The following CUBN variants were observed in gnomAD, a reference collection of about 807,000 sequenced individuals.
CUBN encodes the protein cubilin.
CUBN carries 282 observed loss-of-function variants against 405.3 expected under a neutral mutation model. The observed-to-expected ratio is 0.70, with a 90% CI of 0.63 to 0.77. The LOEUF (loss-of-function observed/expected upper bound fraction) is 0.77, where lower values mean the gene tolerates loss of function less well. Ranked by LOEUF, CUBN falls within the 30% of genes least tolerant of loss-of-function variation. The probability of loss-of-function intolerance (pLI) is 0.00; values close to 1 mark genes in which losing one functional copy is unlikely to be tolerated. For synonymous variants in CUBN, 1,684 were observed against 1,617.0 expected (o/e 1.04, Z -0.99); for missense variants, 4,514 against 4,475.2 (o/e 1.01, Z -0.25).
chr10:17,012,224 G>A (rs527413001), intron 28 of CUBN, among the ~76,000 whole-genome samples: 5 of 152,340 alleles, frequency 3.3e-5, no homozygotes, highest in Middle Eastern at 3.4e-3. Flanking sequence ...CCGAAGGCAA[G>A]TAATAGCAAG....
At chr10:17,067,174 A>C (rs1163243832) in intron 21 of CUBN, among the ~76,000 whole-genome samples, 2 of 152,168 alleles carry the variant, frequency 1.3e-5, no homozygotes, top group Admixed American at 6.5e-5. Context: ...GAGAGGAAAA[A>C]TCAATCTATA....
rs373867155 is a variant in CUBN at position 16,824,953 on chromosome 10, G to A, written c.*22C>T. On this transcript the variant is annotated 3_prime_UTR_variant, in exon 67 of 67. Coordinates refer to ENST00000377833, the MANE Select transcript of CUBN (RefSeq NM_001081.4). ...GCGTGCTGCAGAGGGAAAGTGCTGA[G>A]TGAACACGAGTTGTTACCCACTTAG... The A allele has an allele frequency of 8.3e-6, 13 of 1,563,566 alleles. No homozygotes were observed. In the African/African-American group the frequency reaches 1.6e-4, roughly 20 times the overall value.
At chr10:17,074,612 T>C (rs1835812577) in intron 17 of CUBN, among the ~76,000 whole-genome samples, 1 of 152,210 alleles carries the variant, frequency 6.6e-6, no homozygotes, top group South Asian at 2.1e-4. Flanking sequence ...TGGAAATCTG[T>C]CAAGAGTTAG....
At chr10:16,900,158 T>G (rs979481560) in intron 53 of CUBN, among the ~76,000 whole-genome samples, 5 of 152,208 alleles carry the variant, frequency 3.3e-5, no homozygotes, top group African/African-American at 1.2e-4. Flanking sequence ...GGATAACATA[T>G]AAACCAAGGC....
rs1837097245 is a variant in CUBN at position 17,123,630 on chromosome 10, A to G, written c.447T>C (p.Asn149=). Reference sequence around the variant, plus strand: ...AGATACAAAAAAAGGAATCATGCAGATTGAGGCAGGTTCCACCATTCTGGC... The same window carrying G: ...AGATACAAAAAAAGGAATCATGCAGGTTGAGGCAGGTTCCACCATTCTGGC... ...NPCQNGGTCL[N]LHDSFFCICP... is the part of the protein sequence containing the mutation. Residue 149 remains asparagine (N), a synonymous_variant, in exon 5 of 67, where the codon AAT becomes AAC. Transcript: ENST00000377833. 1 of 1,614,006 alleles carries G rather than the reference A, an allele frequency of 6.2e-7. No homozygotes were observed. The highest frequency in any genetic ancestry group is 1.3e-5 in the African/African-American group (1 of 74,936).
chr10:16,958,960 G>T (rs1488022433), intron 31 of CUBN, among the ~76,000 whole-genome samples: 1 of 152,178 alleles, frequency 6.6e-6, no homozygotes, highest in Non-Finnish European at 1.5e-5. Context: ...GCTTCAAGGT[G>T]GTACCTTGAA....
chr10:17,098,372 A>G (rs182343929), intron 14 of CUBN, among the ~76,000 whole-genome samples: 1 of 152,342 alleles, frequency 6.6e-6, no homozygotes, highest in East Asian at 1.9e-4. Flanking sequence ...TACAACACTA[A>G]ATTTGTGGGA....
chr10:16,932,129 A>G (rs1236894661), intron 40 of CUBN, among the ~76,000 whole-genome samples: 1 of 152,138 alleles, frequency 6.6e-6, no homozygotes, highest in Admixed American at 6.5e-5. Context: ...TCATGTGTGT[A>G]TGATTGATTT....
At chr10:17,002,117 G>A (rs1260312992) in intron 28 of CUBN, among the ~76,000 whole-genome samples, 3 of 152,166 alleles carry the variant, frequency 2.0e-5, no homozygotes, top group African/African-American at 7.2e-5. Context: ...TAAGTCAATG[G>A]TCGAAAAGAG....
chr10:16,862,125 G>A (rs754477201), intron 59 of CUBN, among the ~76,000 whole-genome samples: 15 of 149,324 alleles, frequency 1.0e-4, no homozygotes, highest in Non-Finnish European at 2.2e-4. Context: ...CTCCAGCCTG[G>A]CAACAGAGTG....
intron 17 of CUBN, among the ~76,000 whole-genome samples, chr10:17,072,386 G>T (rs1835760742): frequency 6.6e-6 from 1 of 152,022 alleles, no homozygotes; most frequent in Non-Finnish European, 1.5e-5. Context: ...GGAAAAAAAA[G>T]AAAAGTTGAT....
intron 16 of CUBN, 33 bp downstream of exon 16, chr10:17,085,564 C>T: frequency 6.2e-7 from 1 of 1,602,994 alleles, no homozygotes; most frequent in Non-Finnish European, 8.5e-7. Flanking sequence ...GCCTTCAAAT[C>T]CCTCTTAAGC....
intron 22 of CUBN, among the ~76,000 whole-genome samples, chr10:17,065,135 C>CG (rs1177664872): frequency 7.1e-6 from 1 of 140,450 alleles, no homozygotes. Context: ...TCTCTCCCCC[C>CG]CCCCCCACAC....
At chr10:16,890,563 G>C in intron 54 of CUBN, 36 bp from the exon 55 acceptor site, 1 of 1,612,310 alleles carries the variant, frequency 6.2e-7, no homozygotes, top group Non-Finnish European at 8.5e-7. Context: ...AATGCTCAAG[G>C]GTTTCCCATC....
rs116887949 is a variant in CUBN at position 17,045,358 on chromosome 10, C to T, written c.3491-170G>A. On this transcript the variant is annotated intron_variant, in intron 24 of 66. Transcript: ENST00000377833. ...CTAAAAATCCAATTTTTATTTTTTT[C>T]TATTTTTTTTTTTTTTTTTGAGATG... 0.08 allele frequency among the ~76,000 whole-genome samples: 11,551 copies of T among 145,210 alleles called. 628 individuals are homozygous for T. The highest frequency in any genetic ancestry group is 0.26 in the East Asian group (1,316 of 5,088).
chr10:16,951,969 C>T lies in CUBN; in HGVS notation c.4969+307G>A, dbSNP rs75723363. ...ACCCCCAATCTCATACGCCTGCATA[C>T]GCCTGTTAATACAGCAAGGTTGTAG... On this transcript the variant is annotated intron_variant, in intron 33 of 66. Transcript: ENST00000377833. 1.5e-3 allele frequency among the ~76,000 whole-genome samples: 222 copies of T among 152,178 alleles called. 4 individuals carry two copies. In the East Asian group the frequency reaches 0.036, roughly 25 times the overall value.
intron 66 of CUBN, among the ~76,000 whole-genome samples, chr10:16,825,627 CAG>C (rs1491170224): frequency 2.5e-5 from 2 of 80,628 alleles, no homozygotes; most frequent in Non-Finnish European, 5.1e-5. Context: ...TTCTGTGGAA[CAG>C]TGTGTGTGTG....
At chr10:17,071,197 A>G (rs1238362451) in intron 19 of CUBN, among the ~76,000 whole-genome samples, 1 of 152,036 alleles carries the variant, frequency 6.6e-6, no homozygotes, top group East Asian at 1.9e-4. Context: ...GTTTTATATC[A>G]ACCTAGAATT....
chr10:17,061,104 CAAACA>C (rs1301192051), intron 22 of CUBN, among the ~76,000 whole-genome samples: 3 of 151,910 alleles, frequency 2.0e-5, no homozygotes, highest in African/African-American at 4.8e-5. Flanking sequence ...CAAAAACAAA[CAAACA>C]AAAGTATTCC....
Sources: gnomAD v4.1 joint callset for allele counts (sites outside exome capture counted in the v4.1 genomes callset) on GRCh38, gnomAD v4.1.1 for gene constraint, MANE v1.5 for transcripts, NCBI Gene and HGNC (gene_info 2026-07-23, HGNC 2026-07-21) for gene names.